IL17RD: variants seen among roughly 807,000 people sequenced by gnomAD.
The protein encoded by IL17RD is interleukin-17 receptor D.
IL17RD carries 52 observed loss-of-function variants against 80.5 expected under a neutral mutation model. The observed-to-expected ratio is 0.65, with a 90% CI of 0.52 to 0.81. IL17RD has a LOEUF of 0.81. IL17RD is among the 40% of genes least tolerant of loss of function. IL17RD has a pLI of 0.00. For synonymous variants in IL17RD, 416 were observed against 391.8 expected (o/e 1.06, Z -0.73); for missense variants, 1,024 against 955.1 (o/e 1.07, Z -0.95).
At chr3:57,155,068 G>A (rs1244597721) in intron 1 of IL17RD, among the ~76,000 whole-genome samples, 2 of 152,126 alleles carry the variant, frequency 1.3e-5, no homozygotes, top group African/African-American at 2.4e-5. Context: ...CGGCAAATCC[G>A]CAGCCCCGGA....
chr3:57,138,525 G>GA (rs1259181625), intron 1 of IL17RD, among the ~76,000 whole-genome samples: 1 of 152,032 alleles, frequency 6.6e-6, no homozygotes, highest in African/African-American at 2.4e-5. Flanking sequence ...CATTTTTAAG[G>GA]AAAAAATAGC....
At chr3:57,132,748 T>C (rs894612908) in intron 1 of IL17RD, among the ~76,000 whole-genome samples, 4 of 152,224 alleles carry the variant, frequency 2.6e-5, no homozygotes, top group African/African-American at 4.8e-5. Context: ...ACAACAGTTA[T>C]GTCTGCAGCC....
chr3:57,101,723 T>A (rs6762540), intron 10 of IL17RD, among the ~76,000 whole-genome samples: 129,440 of 152,230 alleles, frequency 0.85, 55,645 homozygotes, highest in South Asian at 0.95. Context: ...TGATTTTTTT[T>A]AAAAGTTTTT....
chr3:57,128,609 A>G (rs755583943), intron 1 of IL17RD, among the ~76,000 whole-genome samples: 1 of 152,120 alleles, frequency 6.6e-6, no homozygotes, highest in African/African-American at 2.4e-5. Flanking sequence ...AAAGATAAAG[A>G]TATGTTAGGA....
intron 1 of IL17RD, among the ~76,000 whole-genome samples, chr3:57,123,362 T>A (rs1707381046): frequency 6.6e-6 from 1 of 152,228 alleles, no homozygotes; most frequent in African/African-American, 2.4e-5. Flanking sequence ...ATGTGACACC[T>A]GCCTACCTTC....
chr3:57,123,809 C>T (rs778784173), intron 1 of IL17RD, among the ~76,000 whole-genome samples: 3 of 152,034 alleles, frequency 2.0e-5, no homozygotes, highest in Admixed American at 6.6e-5. Flanking sequence ...TTTGGGAGGC[C>T]GAGGCAGGTG....
At chr3:57,167,256 G>A (rs577215310), upstream of IL17RD, among the ~76,000 whole-genome samples, 1 of 152,144 alleles carries the variant, frequency 6.6e-6, no homozygotes, top group African/African-American at 2.4e-5. Flanking sequence ...ACCCAGTGAG[G>A]TTTACCATAC....
intron 1 of IL17RD, among the ~76,000 whole-genome samples, chr3:57,154,149 T>TGGGCCAGGAGGATTGCTGG (rs1344849090): frequency 6.6e-6 from 1 of 151,580 alleles, no homozygotes; most frequent in Non-Finnish European, 1.5e-5. Flanking sequence ...CTCAGGAGAC[T>TGGGCCAGGAGGATTGCTGG]GGGCCAGGAG....
rs1706533937 is a variant in IL17RD at position 57,090,627 on chromosome 3, A to C, written c.*5766T>G. The C allele has an allele frequency of 6.6e-6, 1 of 152,104 alleles. No homozygotes were observed. Among genetic ancestry groups the C allele is most frequent in the African/African-American group, 2.4e-5 (1 of 41,384 alleles). The allele number at this position is 152,104 out of a possible 1,614,324, so 9.4% of individuals were successfully genotyped here. On this transcript the variant is annotated 3_prime_UTR_variant, in exon 13 of 13. Transcript: ENST00000296318. ...ACCATGTTGGTCAGGCTGGTCTTGA[A>C]CTCTGGACCTCAGGTGATCCGCCCA...
In IL17RD at chr3:57,097,720, G is replaced by A; in HGVS notation, c.1983C>T (p.Asp661=). The change falls in exon 12 of 13, where the codon GAC becomes GAT. Residue 661 remains aspartate, a synonymous_variant. Transcript: ENST00000296318. The stretch of plus-strand genomic sequence containing the variant: ...GCACAGACGAGTCATAGATGCCTGA[G>A]TCCCGCGGCATGTCCGAGGGGCTGC... ...KAGSPSDMPR[D]SGIYDSSVPS... is the part of the protein sequence containing the mutation. The A allele has an allele frequency of 3.1e-6, 5 of 1,603,464 alleles. No individual in the cohort carries two copies. Among genetic ancestry groups the A allele is most frequent in the Non-Finnish European group, 4.3e-6 (5 of 1,174,170 alleles).
At chr3:57,096,882 A>ATGCTTG (rs1706690068) in intron 12 of IL17RD, among the ~76,000 whole-genome samples, 1 of 151,952 alleles carries the variant, frequency 6.6e-6, no homozygotes, top group Non-Finnish European at 1.5e-5. Flanking sequence ...ATGGTGGCGC[A>ATGCTTG]TGCTTGTAAT....
At chr3:57,131,543 C>G (rs1462537510) in intron 1 of IL17RD, among the ~76,000 whole-genome samples, 13 of 152,176 alleles carry the variant, frequency 8.5e-5, no homozygotes, top group Admixed American at 8.5e-4. Flanking sequence ...TGAGTGATAT[C>G]CTGAGGCCTT....
At chr3:57,155,381 C>T (rs549658793) in intron 1 of IL17RD, among the ~76,000 whole-genome samples, 20 of 152,350 alleles carry the variant, frequency 1.3e-4, no homozygotes, top group Admixed American at 5.2e-4. Context: ...GCAACAGACA[C>T]TCGGCCAGGT....
chr3:57,153,523 C>T (rs1003056759), intron 1 of IL17RD, among the ~76,000 whole-genome samples: 2 of 152,152 alleles, frequency 1.3e-5, no homozygotes, highest in Non-Finnish European at 1.5e-5. Flanking sequence ...GACAGGACAT[C>T]AAAAAGCAAT....
chr3:57,124,814 C>T (rs2107504345), intron 1 of IL17RD, among the ~76,000 whole-genome samples: 1 of 152,276 alleles, frequency 6.6e-6, no homozygotes, highest in East Asian at 1.9e-4. Flanking sequence ...CTCCATGTCA[C>T]ACACACGGCA....
At chr3:57,100,097 C>T (rs1048750946) in intron 11 of IL17RD, among the ~76,000 whole-genome samples, 3 of 152,204 alleles carry the variant, frequency 2.0e-5, no homozygotes, top group African/African-American at 7.2e-5. Context: ...ATAACTATTA[C>T]ACTAATAACT....
At chr3:57,148,801 G>A (rs1412174501) in intron 1 of IL17RD, among the ~76,000 whole-genome samples, 1 of 152,146 alleles carries the variant, frequency 6.6e-6, no homozygotes, top group Non-Finnish European at 1.5e-5. Context: ...CTCTGTCTAG[G>A]GAGGCAGGTG....
Position 57,105,948 on chromosome 3 carries a change from T to C in IL17RD, c.656A>G (p.Asp219Gly). ...GAAGCCGAAGTTGTGCGGTGCATGG[T>C]CGAAGGACACCTGCATGTCCGAGCC... ...QHGSDMQVSF[D>G]HAPHNFGFRF... The change falls in exon 7 of 13, where the codon GAC becomes GGC. Residue 219 changes from aspartate to glycine, a missense_variant. By Grantham distance (94) the Asp-to-Gly change is moderately conservative. Transcript: ENST00000296318. 1 of 1,613,880 alleles carries C rather than the reference T, an allele frequency of 6.2e-7. No individual in the cohort carries two copies.
intron 1 of IL17RD, among the ~76,000 whole-genome samples, chr3:57,138,937 C>CT (rs1707779328): frequency 9.8e-6 from 1 of 102,472 alleles, no homozygotes; most frequent in Admixed American, 1.1e-4. Flanking sequence ...AAAACTCCAT[C>CT]TCAAAAAAAA....
Sources: allele counts gnomAD v4.1 joint callset (sites outside exome capture counted in the v4.1 genomes callset), GRCh38; gene constraint gnomAD v4.1.1; transcripts MANE v1.5; gene names NCBI Gene and HGNC (gene_info 2026-07-23, HGNC 2026-07-21).